Variants in SRBD1 observed in about 807,000 individuals in gnomAD.
SRBD1 encodes S1 RNA binding domain 1.
Under a neutral mutation model 115.3 loss-of-function variants are expected in SRBD1, and 88 were observed. The observed-to-expected ratio is 0.76, with a 90% confidence interval of 0.64 to 0.91. The LOEUF (loss-of-function observed/expected upper bound fraction) is 0.91, where lower values mean the gene tolerates loss of function less well. Ranked by LOEUF, SRBD1 falls within the 40% of genes least tolerant of loss-of-function variation. The probability of loss-of-function intolerance (pLI) is 0.00; values close to 1 mark genes in which losing one functional copy is unlikely to be tolerated. For missense variants in SRBD1, 1,385 were observed against 1,177.4 expected (o/e 1.18, Z -2.58); for synonymous variants, 509 against 407.7 (o/e 1.25, Z -2.99).
At position 45,473,671 on chromosome 2, in the gene SRBD1, C is replaced by G. The variant is rs78504467; in HGVS notation, c.2049+3322G>C. On this transcript the variant is annotated intron_variant, in intron 16 of 20. Coordinates refer to ENST00000263736, the MANE Select transcript of SRBD1 (RefSeq NM_018079.5). ...CATTTATTTTTTATCAATAATAGGA[C>G]TGTTGTCAATCTCATTCTTTCCTTT... Among the ~76,000 whole-genome samples, 930 of 151,924 alleles carry G rather than the reference C, an allele frequency of 6.1e-3. 8 individuals carry two copies. Among genetic ancestry groups the G allele is most frequent in the African/African-American group, 0.021 (881 of 41,510 alleles).
chr2:45,396,355 A>G (rs1317777661), intron 19 of SRBD1, among the ~76,000 whole-genome samples: 1 of 152,202 alleles, frequency 6.6e-6, no homozygotes, highest in Non-Finnish European at 1.5e-5. Flanking sequence ...AAACCTGCAA[A>G]GAAATTATAT....
At chr2:45,558,682 AT>A (rs1396556710) in intron 10 of SRBD1, among the ~76,000 whole-genome samples, 27 of 133,746 alleles carry the variant, frequency 2.0e-4, no homozygotes, top group Non-Finnish European at 1.1e-4. Context: ...AAGCCACACA[AT>A]TATTTTTTTT....
chr2:45,529,805 GCTAGAA>G (rs1388318157), intron 14 of SRBD1, among the ~76,000 whole-genome samples: 1 of 151,954 alleles, frequency 6.6e-6, no homozygotes, highest in Admixed American at 6.6e-5. Flanking sequence ...ATCATTAAAT[GCTAGAA>G]ATTACAGCAT....
At chr2:45,604,536 C>G (rs1383139573) in intron 2 of SRBD1, among the ~76,000 whole-genome samples, 1 of 152,138 alleles carries the variant, frequency 6.6e-6, no homozygotes, top group Non-Finnish European at 1.5e-5. Context: ...TCTTACTACT[C>G]TCTGCCTCAT....
intron 16 of SRBD1, among the ~76,000 whole-genome samples, chr2:45,468,121 CTATA>C (rs746339865): frequency 6.6e-6 from 1 of 152,020 alleles, no homozygotes; most frequent in Non-Finnish European, 1.5e-5. Flanking sequence ...TATAATCTTA[CTATA>C]TATAGGTATT....
intron 7 of SRBD1, among the ~76,000 whole-genome samples, chr2:45,579,190 A>C (rs1223845654): frequency 6.6e-6 from 1 of 152,212 alleles, no homozygotes; most frequent in Non-Finnish European, 1.5e-5. Flanking sequence ...TTTTTCTTAG[A>C]AATATGTCTC....
chr2:45,546,652 G>C (rs2104031620), intron 14 of SRBD1, 80 bp downstream of exon 14: 2 of 1,346,400 alleles, frequency 1.5e-6, no homozygotes, highest in Non-Finnish European at 2.1e-6. Flanking sequence ...ATCTTAAAAA[G>C]AGAAGGGAGG....
chr2:45,428,124 A>G (rs1330463533), intron 16 of SRBD1, among the ~76,000 whole-genome samples: 1 of 152,212 alleles, frequency 6.6e-6, no homozygotes, highest in African/African-American at 2.4e-5. Context: ...AGCAAATACT[A>G]AAGAACAGAA....
intron 14 of SRBD1, among the ~76,000 whole-genome samples, chr2:45,513,770 G>A (rs940371761): frequency 2.7e-5 from 4 of 146,930 alleles, no homozygotes; most frequent in Middle Eastern, 3.2e-3. Context: ...ATGTAAATTC[G>A]GTCTTGTTCA....
At chr2:45,582,780 A>T (rs988777130) in intron 5 of SRBD1, among the ~76,000 whole-genome samples, 1 of 152,170 alleles carries the variant, frequency 6.6e-6, no homozygotes, top group Non-Finnish European at 1.5e-5. Flanking sequence ...TCCCTGCCCC[A>T]GCCCTGGAAT....
At chr2:45,589,087 T>C (rs1211951642) in intron 4 of SRBD1, among the ~76,000 whole-genome samples, 2 of 152,158 alleles carry the variant, frequency 1.3e-5, no homozygotes, top group Non-Finnish European at 2.9e-5. Context: ...GAACCCATAG[T>C]AGGTATTTAT....
intron 12 of SRBD1, among the ~76,000 whole-genome samples, chr2:45,547,905 C>G (rs1672172825): frequency 6.6e-6 from 1 of 152,158 alleles, no homozygotes; most frequent in Non-Finnish European, 1.5e-5. Context: ...GTAGCAAAAG[C>G]AAACACTAAC....
intron 6 of SRBD1, among the ~76,000 whole-genome samples, chr2:45,580,841 C>A (rs1025396541): frequency 1.9e-4 from 28 of 151,266 alleles, no homozygotes; most frequent in African/African-American, 6.8e-4. Context: ...CCCGCCACCA[C>A]GCCCAGCTAA....
intron 5 of SRBD1, among the ~76,000 whole-genome samples, chr2:45,583,140 GC>G (rs1237103981): frequency 6.6e-6 from 1 of 151,776 alleles, no homozygotes; most frequent in African/African-American, 2.4e-5. Flanking sequence ...AAAATGATGG[GC>G]AAAAGTTAGA....
chr2:45,459,670 G>A (rs73925671), intron 16 of SRBD1, among the ~76,000 whole-genome samples: 1,633 of 152,160 alleles, frequency 0.011, 25 homozygotes, highest in African/African-American at 0.03. Context: ...GCACCTTGAG[G>A]CACTTCCATG....
chr2:45,432,487 G>A lies in SRBD1; in HGVS notation c.2050-12593C>T, dbSNP rs550300617. Among the ~76,000 whole-genome samples, 18 of 152,306 alleles carry A rather than the reference G, an allele frequency of 1.2e-4. No individual in the cohort carries two copies. The South Asian group carries it at 2.7e-3, about 23-fold the overall frequency. Reference sequence around the variant, plus strand: ...AAGCAACTATTTTGTACCAGACACTGTGCAAGTTGGGCTATGTGTTGAAAG... The same window carrying A: ...AAGCAACTATTTTGTACCAGACACTATGCAAGTTGGGCTATGTGTTGAAAG... On this transcript the variant is annotated intron_variant, in intron 16 of 20. Coordinates refer to ENST00000263736, the MANE Select transcript of SRBD1 (RefSeq NM_018079.5).
chr2:45,498,178 A>G (rs749203942), intron 14 of SRBD1, among the ~76,000 whole-genome samples: 1 of 151,966 alleles, frequency 6.6e-6, no homozygotes, highest in Non-Finnish European at 1.5e-5. Flanking sequence ...CCATTTACTC[A>G]ATGTACTTAT....
intron 7 of SRBD1, among the ~76,000 whole-genome samples, chr2:45,577,834 G>A (rs1336800302): frequency 1.3e-5 from 2 of 151,800 alleles, no homozygotes; most frequent in African/African-American, 2.4e-5. Flanking sequence ...AAAAAAAAAA[G>A]CAGTACCTAG....
intron 18 of SRBD1, among the ~76,000 whole-genome samples, chr2:45,414,897 ACACACATATAGTGTGTATATAGTATG>A (rs1667760070): frequency 3.7e-5 from 5 of 134,600 alleles, no homozygotes; most frequent in African/African-American, 1.5e-4. Context: ...TAGTATGTAC[ACACACATATAGTGTGTATATAGTATG>A]TACACACACA....
Sources: gnomAD v4.1 joint callset for allele counts (sites outside exome capture counted in the v4.1 genomes callset) on GRCh38, gnomAD v4.1.1 for gene constraint, MANE v1.5 for transcripts, NCBI Gene and HGNC (gene_info 2026-07-23, HGNC 2026-07-21) for gene names.